Variants in CTNND2 observed in about 807,000 individuals in gnomAD.
CTNND2 encodes catenin delta 2.
A neutral mutation model predicts 144.4 loss-of-function variants in CTNND2; 22 were observed. That is an observed-to-expected ratio of 0.15 (90% CI 0.11 to 0.22). The LOEUF is 0.22. Ranked by LOEUF, CTNND2 falls within the 10% of genes least tolerant of loss-of-function variation. The probability of loss-of-function intolerance (pLI) is 1.00; values close to 1 mark genes in which losing one functional copy is unlikely to be tolerated. For synonymous variants in CTNND2, 751 were observed against 695.6 expected (o/e 1.08, Z -1.25); for missense variants, 1,353 against 1,618.8 (o/e 0.84, Z 2.82).
intron 3 of CTNND2, among the ~76,000 whole-genome samples, chr5:11,491,781 T>G (rs1399252991): frequency 6.6e-6 from 1 of 152,162 alleles, no homozygotes; most frequent in Non-Finnish European, 1.5e-5. Flanking sequence ...GATGCTAAAG[T>G]GACAATTCTG....
At chr5:11,466,394 T>C (rs1226849299) in intron 3 of CTNND2, among the ~76,000 whole-genome samples, 2 of 152,214 alleles carry the variant, frequency 1.3e-5, no homozygotes, top group Admixed American at 1.3e-4. Context: ...CCAGGACTTA[T>C]CTGTCAATTT....
chr5:11,636,347 T>G (rs1185634431), intron 2 of CTNND2, among the ~76,000 whole-genome samples: 2 of 152,184 alleles, frequency 1.3e-5, no homozygotes, highest in Non-Finnish European at 2.9e-5. Flanking sequence ...CAGAATAAAA[T>G]ATCTATTAAA....
rs540805311 is a variant in CTNND2, at chr5:11,055,431, A to C, written c.2788+27265T>G. Among the ~76,000 whole-genome samples, 147 of 152,166 alleles carry C rather than the reference A, an allele frequency of 9.7e-4. 5 individuals carry two copies. The highest frequency in any genetic ancestry group is 1.5e-4 in the Non-Finnish European group (10 of 67,996). On this transcript the variant is annotated intron_variant, in intron 16 of 21. Coordinates refer to ENST00000304623, the MANE Select transcript of CTNND2 (RefSeq NM_001332.4). ...ACTTTATCAGAACTGCCATACCCCC[A>C]TTTATTTCCCCTCGAAGCCCATTTG...
intron 3 of CTNND2, among the ~76,000 whole-genome samples, chr5:11,553,669 C>T (rs990174541): frequency 2.0e-5 from 3 of 152,098 alleles, no homozygotes; most frequent in African/African-American, 7.2e-5. Context: ...TTACAAACTC[C>T]ATGTTTTGGA....
chr5:11,218,359 C>T (rs1053858156), intron 10 of CTNND2, among the ~76,000 whole-genome samples: 2 of 152,134 alleles, frequency 1.3e-5, no homozygotes, highest in East Asian at 3.9e-4. Context: ...CTCTGACAGT[C>T]TTCTCATTTG....
At chr5:11,517,171 A>G (rs1772242221) in intron 3 of CTNND2, among the ~76,000 whole-genome samples, 1 of 152,222 alleles carries the variant, frequency 6.6e-6, no homozygotes, top group Non-Finnish European at 1.5e-5. Flanking sequence ...AGCACAAAAT[A>G]CACTCGAATC....
intron 1 of CTNND2, among the ~76,000 whole-genome samples, chr5:11,732,626 T>G (rs2126743376): frequency 6.6e-6 from 1 of 152,202 alleles, no homozygotes; most frequent in African/African-American, 2.4e-5. Flanking sequence ...AACTATAAAT[T>G]TATGACTATT....
At chr5:11,677,231 A>T (rs1289382859) in intron 2 of CTNND2, among the ~76,000 whole-genome samples, 1 of 152,238 alleles carries the variant, frequency 6.6e-6, no homozygotes, top group Non-Finnish European at 1.5e-5. Flanking sequence ...TTGCCAACTG[A>T]TAAGATCATG....
At chr5:11,120,503 GTA>G (rs1754003035) in intron 12 of CTNND2, among the ~76,000 whole-genome samples, 1 of 28,574 alleles carries the variant, frequency 3.5e-5, no homozygotes, top group Admixed American at 3.6e-4. Context: ...GTCCGCAGGG[GTA>G]ATGAGGCTCA....
chr5:11,465,281 C>T (rs1316999273), intron 3 of CTNND2, among the ~76,000 whole-genome samples: 1 of 151,418 alleles, frequency 6.6e-6, no homozygotes, highest in African/African-American at 2.4e-5. Flanking sequence ...CTTGAAATAG[C>T]ACAGAATATC....
chr5:11,279,310 G>C (rs1746874999), intron 9 of CTNND2, among the ~76,000 whole-genome samples: 1 of 152,252 alleles, frequency 6.6e-6, no homozygotes, highest in Middle Eastern at 3.4e-3. Context: ...ATTTCCAGCA[G>C]CTCAATTAAT....
intron 1 of CTNND2, among the ~76,000 whole-genome samples, chr5:11,897,166 G>T (rs1737459400): frequency 6.6e-6 from 1 of 152,194 alleles, no homozygotes; most frequent in Admixed American, 6.5e-5. Context: ...AGATTGAACT[G>T]TGGCTCTTTT....
chr5:11,202,648 C>T (rs753346721), intron 10 of CTNND2, among the ~76,000 whole-genome samples: 1 of 152,122 alleles, frequency 6.6e-6, no homozygotes, highest in African/African-American at 2.4e-5. Flanking sequence ...CCTGCAGCCT[C>T]CCCTCTCCCA....
chr5:11,631,170 T>C (rs1781394697), intron 2 of CTNND2, among the ~76,000 whole-genome samples: 2 of 152,162 alleles, frequency 1.3e-5, no homozygotes, highest in Admixed American at 6.6e-5. Context: ...TATTCTCCAA[T>C]ATGTTATTCT....
At chr5:11,661,814 C>G (rs554044289) in intron 2 of CTNND2, among the ~76,000 whole-genome samples, 1 of 151,808 alleles carries the variant, frequency 6.6e-6, no homozygotes, top group Non-Finnish European at 1.5e-5. Flanking sequence ...TTATATATGT[C>G]ACGGACTGGT....
chr5:11,550,145 G>A (rs1045097941), intron 3 of CTNND2, among the ~76,000 whole-genome samples: 1 of 152,078 alleles, frequency 6.6e-6, no homozygotes, highest in Non-Finnish European at 1.5e-5. Flanking sequence ...AGATTTCTGA[G>A]GTAACTGTTA....
intron 3 of CTNND2, among the ~76,000 whole-genome samples, chr5:11,545,205 C>T (rs1467835155): frequency 6.6e-6 from 1 of 150,384 alleles, no homozygotes; most frequent in Non-Finnish European, 1.5e-5. Context: ...GCCTGTAATC[C>T]CAGCTACTAG....
At position 11,349,195 on chromosome 5, in the gene CTNND2, T is replaced by C. The variant is rs73042244; in HGVS notation, c.1373-2568A>G. ...TCATATGGAGAAAATATTAAACAAA[T>C]AAATTATTAATATTATTACCATTAA... On this transcript the variant is annotated intron_variant, in intron 8 of 21. Coordinates refer to ENST00000304623, the MANE Select transcript of CTNND2 (RefSeq NM_001332.4). Among the ~76,000 whole-genome samples, 935 of 152,248 alleles carry C rather than the reference T, an allele frequency of 6.1e-3. 10 individuals are homozygous for C. The highest frequency in any genetic ancestry group is 0.022 in the African/African-American group (896 of 41,552).
At chr5:11,004,131 AAAAC>A (rs1266196870) in intron 18 of CTNND2, among the ~76,000 whole-genome samples, 2 of 152,358 alleles carry the variant, frequency 1.3e-5, no homozygotes, top group African/African-American at 4.8e-5. Flanking sequence ...GCAAAAAACC[AAAAC>A]AAACAAAGAA....
Sources: gnomAD v4.1 joint callset for allele counts (sites outside exome capture counted in the v4.1 genomes callset) on GRCh38, gnomAD v4.1.1 for gene constraint, MANE v1.5 for transcripts, NCBI Gene and HGNC (gene_info 2026-07-23, HGNC 2026-07-21) for gene names.